Variants in DOCK7 observed in about 807,000 individuals in gnomAD.
The protein encoded by DOCK7 is dedicator of cytokinesis protein 7.
Under a neutral mutation model 271.0 loss-of-function variants are expected in DOCK7, and 138 were observed. The observed-to-expected ratio is 0.51, with a 90% CI of 0.44 to 0.59. The LOEUF (loss-of-function observed/expected upper bound fraction) is 0.59, where lower values mean the gene tolerates loss of function less well. Among genes scored for constraint, DOCK7 ranks in the 20% least tolerant of loss-of-function variants. The pLI is 0.00. For missense variants in DOCK7, 2,066 were observed against 2,592.4 expected, an observed-to-expected ratio of 0.80 and a Z score of 4.41; for synonymous variants, 823 against 876.1, an observed-to-expected ratio of 0.94 and a Z score of 1.07.
intron 34 of DOCK7, among the ~76,000 whole-genome samples, chr1:62,510,218 T>G (rs993727234): frequency 3.3e-5 from 5 of 152,206 alleles, no homozygotes; most frequent in Non-Finnish European, 7.4e-5. Flanking sequence ...TTGAATTATA[T>G]TATAAGCTCC....
intron 6 of DOCK7, 39 bp from the exon 7 acceptor site, chr1:62,647,815 T>A (rs780839132): frequency 1.5e-6 from 2 of 1,372,114 alleles, no homozygotes; most frequent in Non-Finnish European, 2.1e-6. Context: ...AATATGCTTA[T>A]CATATTCCAA....
intron 1 of DOCK7, 82 bp downstream of exon 1, chr1:62,688,145 C>T: frequency 1.6e-6 from 2 of 1,226,272 alleles, no homozygotes. Context: ...CCACACCCAC[C>T]CGCCTCCTAG....
At chr1:62,662,336 G>A (rs149974695) in intron 2 of DOCK7, among the ~76,000 whole-genome samples, 278 of 152,240 alleles carry the variant, frequency 1.8e-3, no homozygotes, top group Non-Finnish European at 2.8e-3. Context: ...TGGGCTTACA[G>A]TAATAATTCA....
chr1:62,467,817 G>A (rs1373131613), intron 48 of DOCK7, among the ~76,000 whole-genome samples: 1 of 151,972 alleles, frequency 6.6e-6, no homozygotes, highest in African/African-American at 2.4e-5. Context: ...GAAAACCATA[G>A]AACAATATCC....
At chr1:62,643,060 C>T (rs1322087615) in intron 7 of DOCK7, among the ~76,000 whole-genome samples, 2 of 152,168 alleles carry the variant, frequency 1.3e-5, no homozygotes, top group Non-Finnish European at 2.9e-5. Flanking sequence ...GAAAACCCTT[C>T]CACCACTACA....
intron 22 of DOCK7, among the ~76,000 whole-genome samples, chr1:62,550,256 G>C (rs983479230): frequency 1.3e-5 from 2 of 152,006 alleles, no homozygotes; most frequent in East Asian, 3.8e-4. Context: ...GAGAGCTTGA[G>C]TGAAAGAAAT....
intron 35 of DOCK7, 127 bp from the exon 36 acceptor site, chr1:62,505,943 A>G (rs1001514871): frequency 1.1e-6 from 1 of 895,704 alleles, no homozygotes; most frequent in Non-Finnish European, 1.6e-6. Flanking sequence ...AAGATAAAAA[A>G]ATGATAACAT....
intron 14 of DOCK7, chr1:62,609,010 T>C (rs942366069): frequency 7.2e-5 from 11 of 152,186 alleles, no homozygotes; most frequent in Non-Finnish European, 1.5e-4. Context: ...TTTTTCCCCA[T>C]CACTAACAGC....
At chr1:62,618,593 G>C (rs1341215250) in intron 14 of DOCK7, 113 bp downstream of exon 14, 1 of 900,226 alleles carries the variant, frequency 1.1e-6, no homozygotes, top group Non-Finnish European at 1.7e-6. Flanking sequence ...GTAAGAGATA[G>C]AGTTAAGTAA....
intron 14 of DOCK7, among the ~76,000 whole-genome samples, chr1:62,589,768 T>C (rs1043875297): frequency 6.7e-6 from 1 of 150,340 alleles, no homozygotes; most frequent in African/African-American, 2.5e-5. Context: ...ACACCAACTA[T>C]GAAAGAATTA....
At chr1:62,647,423 T>C (rs1298021276) in intron 7 of DOCK7, among the ~76,000 whole-genome samples, 1 of 152,220 alleles carries the variant, frequency 6.6e-6, no homozygotes, top group Non-Finnish European at 1.5e-5. Context: ...GAATGCTGAA[T>C]AGCACTTAAA....
chr1:62,556,451 AAC>A (rs929399969), intron 20 of DOCK7, among the ~76,000 whole-genome samples: 14 of 151,970 alleles, frequency 9.2e-5, no homozygotes, highest in African/African-American at 2.9e-4. Flanking sequence ...TGAAAATAAT[AAC>A]AGTATAATAA....
chr1:62,595,855 G>C (rs34898550), intron 14 of DOCK7, among the ~76,000 whole-genome samples: 5,536 of 152,148 alleles, frequency 0.036, 246 homozygotes, highest in African/African-American at 0.11. Flanking sequence ...CTCGAGCCCA[G>C]GAGTTCGTGG....
chr1:62,678,845 T>C (rs1660808262), intron 1 of DOCK7, among the ~76,000 whole-genome samples: 1 of 152,184 alleles, frequency 6.6e-6, no homozygotes, highest in Admixed American at 6.5e-5. Context: ...CAAATAAGGA[T>C]ATATCATCTA....
intron 27 of DOCK7, among the ~76,000 whole-genome samples, chr1:62,538,663 ATG>A (rs1645427507): frequency 2.0e-5 from 3 of 152,230 alleles, no homozygotes; most frequent in Non-Finnish European, 2.9e-5. Context: ...GTGAGTGCCC[ATG>A]CATAGTTTTA....
intron 3 of DOCK7, 23 bp from the exon 4 acceptor site, chr1:62,653,816 T>C: frequency 6.5e-7 from 1 of 1,539,886 alleles, no homozygotes; most frequent in Non-Finnish European, 9.0e-7. Context: ...GGAAAATACA[T>C]TTGTAATTTA....
chr1:62,474,492 C>T (rs756966989), intron 47 of DOCK7, among the ~76,000 whole-genome samples: 1 of 152,232 alleles, frequency 6.6e-6, no homozygotes, highest in East Asian at 1.9e-4. Flanking sequence ...AAAGGTATTC[C>T]GGACATTGTG....
intron 4 of DOCK7, among the ~76,000 whole-genome samples, chr1:62,649,598 C>T (rs540432713): frequency 2.0e-5 from 3 of 152,232 alleles, no homozygotes; most frequent in African/African-American, 4.8e-5. Context: ...AAAAAATTGA[C>T]GATATGAAAT....
intron 7 of DOCK7, among the ~76,000 whole-genome samples, chr1:62,647,309 C>A (rs1656789735): frequency 6.6e-6 from 1 of 152,080 alleles, no homozygotes; most frequent in Non-Finnish European, 1.5e-5. Context: ...AAATCAAAGC[C>A]TACTGTAAAA....
Sources: allele counts gnomAD v4.1 joint callset (sites outside exome capture counted in the v4.1 genomes callset), GRCh38; gene constraint gnomAD v4.1.1; transcripts MANE v1.5; gene names NCBI Gene and HGNC (gene_info 2026-07-23, HGNC 2026-07-21).